GKAP1: variants seen among roughly 807,000 people sequenced by gnomAD.
GKAP1 encodes G kinase anchoring protein 1.
Under a neutral mutation model 56.7 loss-of-function variants are expected in GKAP1, and 31 were observed. The observed-to-expected ratio is 0.55, with a 90% CI of 0.41 to 0.74. The LOEUF is 0.74. Ranked by LOEUF, GKAP1 falls within the 30% of genes least tolerant of loss-of-function variation. The pLI, the probability that GKAP1 is intolerant of heterozygous loss-of-function variation, is 0.00. For synonymous variants in GKAP1, 151 were observed against 138.6 expected (o/e 1.09, Z -0.63); for missense variants, 364 against 402.3 (o/e 0.90, Z 0.82).
At chr9:83,744,862 G>C (rs1943265916) in intron 10 of GKAP1, among the ~76,000 whole-genome samples, 1 of 152,206 alleles carries the variant, frequency 6.6e-6, no homozygotes, top group African/African-American at 2.4e-5. Context: ...GGTGGCAGGA[G>C]AGAGAATAAG....
At chr9:83,802,641 C>T (rs1944350063) in intron 3 of GKAP1, among the ~76,000 whole-genome samples, 2 of 151,692 alleles carry the variant, frequency 1.3e-5, no homozygotes, top group African/African-American at 4.8e-5. Context: ...ACAGCCTGGG[C>T]AATGTACTGT....
intron 2 of GKAP1, among the ~76,000 whole-genome samples, chr9:83,807,004 T>C (rs999134397): frequency 6.6e-6 from 1 of 152,218 alleles, no homozygotes; most frequent in African/African-American, 2.4e-5. Context: ...AATACCACTC[T>C]TATCATATAT....
intron 10 of GKAP1, among the ~76,000 whole-genome samples, chr9:83,744,464 A>C (rs1412460848): frequency 2.0e-5 from 3 of 152,194 alleles, no homozygotes; most frequent in African/African-American, 7.2e-5. Context: ...GTAACACACA[A>C]GCTATAACCC....
chr9:83,798,369 G>A (rs537046600), intron 4 of GKAP1, among the ~76,000 whole-genome samples: 13 of 152,204 alleles, frequency 8.5e-5, no homozygotes, highest in African/African-American at 3.1e-4. Context: ...ATATGTATTC[G>A]TCTTAATGAG....
chr9:83,804,349 G>C (rs1944392556), intron 3 of GKAP1, among the ~76,000 whole-genome samples: 3 of 137,678 alleles, frequency 2.2e-5, no homozygotes, highest in African/African-American at 8.3e-5. Context: ...AGGGAGGTGG[G>C]GGGGTCAGCC....
intron 3 of GKAP1, among the ~76,000 whole-genome samples, chr9:83,805,056 A>G (rs1336758540): frequency 6.6e-6 from 1 of 152,212 alleles, no homozygotes; most frequent in African/African-American, 2.4e-5. Flanking sequence ...AGATTGAGAA[A>G]TCGGATGGTT....
intron 3 of GKAP1, among the ~76,000 whole-genome samples, chr9:83,800,321 GCCT>G (rs1407749264): frequency 6.7e-6 from 1 of 148,426 alleles, no homozygotes; most frequent in African/African-American, 2.5e-5. Context: ...GCCTAAAGCT[GCCT>G]CCTTACGTTT....
At chr9:83,751,191 C>A (rs1325025584) in intron 9 of GKAP1, among the ~76,000 whole-genome samples, 1 of 152,198 alleles carries the variant, frequency 6.6e-6, no homozygotes, top group Non-Finnish European at 1.5e-5. Flanking sequence ...CTCATATCTG[C>A]AATTTCAACT....
chr9:83,806,702 T>C, intron 2 of GKAP1, 142 bp from the exon 3 acceptor site: 1 of 559,296 alleles, frequency 1.8e-6, no homozygotes, highest in East Asian at 2.9e-5. Flanking sequence ...CACAGCACTA[T>C]TAGCAATAAC....
At chr9:83,777,239 T>C (rs887945104) in intron 7 of GKAP1, among the ~76,000 whole-genome samples, 4 of 152,172 alleles carry the variant, frequency 2.6e-5, no homozygotes, top group Non-Finnish European at 5.9e-5. Flanking sequence ...CTTCAAGACA[T>C]ATGATGATCA....
chr9:83,776,892 C>CAAATAATTTA (rs1564200350), intron 7 of GKAP1, among the ~76,000 whole-genome samples: 10 of 150,610 alleles, frequency 6.6e-5, no homozygotes, highest in African/African-American at 2.4e-4. Flanking sequence ...TATTTGTCCA[C>CAAATAATTTA]GCTCATAATC....
At chr9:83,800,352 T>G (rs1370612521) in intron 3 of GKAP1, among the ~76,000 whole-genome samples, 1 of 150,912 alleles carries the variant, frequency 6.6e-6, no homozygotes, top group East Asian at 1.9e-4. Context: ...GTTTTTTTTT[T>G]TTTTGGCAGA....
At chr9:83,749,419 G>A (rs1400356075) in intron 9 of GKAP1, among the ~76,000 whole-genome samples, 1 of 151,950 alleles carries the variant, frequency 6.6e-6, no homozygotes, top group African/African-American at 2.4e-5. Context: ...TACAGATGGG[G>A]TTTTACCACG....
intron 2 of GKAP1, among the ~76,000 whole-genome samples, chr9:83,812,210 T>TATATATAC (rs1944515217): frequency 1.3e-5 from 2 of 148,338 alleles, no homozygotes; most frequent in Non-Finnish European, 3.0e-5. Context: ...TATATACACA[T>TATATATAC]ACATACATAC....
chr9:83,779,727 A>C (rs1184148398), intron 7 of GKAP1, among the ~76,000 whole-genome samples: 1 of 151,454 alleles, frequency 6.6e-6, no homozygotes, highest in Non-Finnish European at 1.5e-5. Context: ...TAGAAGAATA[A>C]AACTTTGAAA....
intron 4 of GKAP1, among the ~76,000 whole-genome samples, chr9:83,791,658 C>T (rs187390762): frequency 2.0e-5 from 3 of 152,250 alleles, no homozygotes; most frequent in Admixed American, 2.0e-4. Flanking sequence ...GGGGCTGTGC[C>T]CTCCCTGCCT....
At chr9:83,808,749 AC>A (rs909939949) in intron 2 of GKAP1, among the ~76,000 whole-genome samples, 30 of 152,206 alleles carry the variant, frequency 2.0e-4, no homozygotes, top group Admixed American at 1.6e-3. Flanking sequence ...ACAAATATTC[AC>A]TGTCTCTCCC....
Position 83,742,181 on chromosome 9 carries a change from C to A in GKAP1, c.976-152G>T, listed in dbSNP as rs992631923. ...AATTTCCATTTGGTATTGTACACAG[C>A]TCTATGTTAAAGATGGGGCAAACTG... On this transcript the variant is annotated intron_variant, in intron 11 of 12. Coordinates refer to ENST00000376371, the MANE Select transcript of GKAP1 (RefSeq NM_025211.4). 29 of 646,776 alleles carry A rather than the reference C, an allele frequency of 4.5e-5. No individual in the cohort carries two copies. The Admixed American group carries it at 6.0e-4, about 13-fold the overall frequency. The allele number at this position is 646,776 out of a possible 1,614,324, so 40.1% of individuals were successfully genotyped here.
intron 9 of GKAP1, among the ~76,000 whole-genome samples, chr9:83,752,222 T>TCTCTAC (rs1943402535): frequency 6.6e-6 from 1 of 152,090 alleles, no homozygotes; most frequent in Non-Finnish European, 1.5e-5. Flanking sequence ...GTCAACATAG[T>TCTCTAC]GAAACCCCGT....
Sources: gnomAD v4.1 joint callset for allele counts (sites outside exome capture counted in the v4.1 genomes callset) on GRCh38, gnomAD v4.1.1 for gene constraint, MANE v1.5 for transcripts, NCBI Gene and HGNC (gene_info 2026-07-23, HGNC 2026-07-21) for gene names.